PHACTR2: variants seen among roughly 807,000 people sequenced by gnomAD.
PHACTR2 encodes phosphatase and actin regulator 2.
Under a neutral mutation model 76.0 loss-of-function variants are expected in PHACTR2, and 30 were observed. The ratio of observed to expected loss-of-function variants is 0.39; its 90% CI spans 0.30 to 0.54. The LOEUF (loss-of-function observed/expected upper bound fraction) is 0.54. Ranked by LOEUF, PHACTR2 falls within the 20% of genes least tolerant of loss-of-function variation. The probability of loss-of-function intolerance (pLI) is 0.61; values close to 1 mark genes in which losing one functional copy is unlikely to be tolerated. For missense variants in PHACTR2, 696 were observed against 781.1 expected (o/e 0.89, Z 1.30); for synonymous variants, 292 against 292.5 (o/e 1.00, Z 0.02).
intron 10 of PHACTR2, among the ~76,000 whole-genome samples, chr6:143,788,006 G>T (rs1775592919): frequency 6.6e-6 from 1 of 152,202 alleles, no homozygotes; most frequent in Non-Finnish European, 1.5e-5. Context: ...TCTTTCACCT[G>T]TCAGAGTCTT....
rs1776053833 is a variant in PHACTR2, at chr6:143,616,004, G to A, written c.13+7682G>A. ...ATCTCATTTAAATTTTGATATCTAT[G>A]TCAAGAGAAGCCATAGTTTCAAAGT... On this transcript the variant is annotated intron_variant, in intron 1 of 11. Coordinates refer to the PHACTR2 transcript ENST00000305766. The surrounding 1 kb of genome is among the most constrained non-coding windows in gnomAD (Gnocchi z 4.9). 1.3e-5 allele frequency among the ~76,000 whole-genome samples: 2 copies of A among 152,176 alleles called. No homozygotes were observed. Among genetic ancestry groups the A allele is most frequent in the African/African-American group, 4.8e-5 (2 of 41,430 alleles).
At position 143,803,599 on chromosome 6, in the gene PHACTR2, C is replaced by A. The variant is rs983982487; in HGVS notation, c.1846-3458C>A. 6.6e-6 allele frequency among the ~76,000 whole-genome samples: 1 copy of A among 152,104 alleles called. No individual in the cohort carries two copies. The highest frequency in any genetic ancestry group is 1.5e-5 in the Non-Finnish European group (1 of 68,002). On this transcript the variant is annotated intron_variant, in intron 11 of 12. Coordinates refer to ENST00000440869, the MANE Select transcript of PHACTR2 (RefSeq NM_001100164.2). The surrounding 1 kb of genome is among the most constrained non-coding windows in gnomAD (Gnocchi z 4.7). ...ATAAAAACTGTTCTTGGAGTTGTTT[C>A]TAAATAGAACATCAAAATCATCTAT...
intron 9 of PHACTR2, among the ~76,000 whole-genome samples, chr6:143,779,899 T>TTTATATTATA (rs377378201): frequency 0.09 from 12,685 of 140,860 alleles, 626 homozygotes; most frequent in East Asian, 0.11. Flanking sequence ...CATATACGTA[T>TTTATATTATA]TTATATTATA....
At position 143,592,776 on chromosome 6, in the gene PHACTR2, G is replaced by A. The variant is rs1268325119; in HGVS notation, c.217+55569G>A. 2.6e-5 allele frequency among the ~76,000 whole-genome samples: 4 copies of A among 152,020 alleles called. No individual in the cohort carries two copies. Among genetic ancestry groups the A allele is most frequent in the South Asian group, 2.1e-4 (1 of 4,822 alleles). On this transcript the variant is annotated intron_variant, in intron 1 of 11. Coordinates refer to the PHACTR2 transcript ENST00000367584. The surrounding 1 kb of genome is among the most constrained non-coding windows in gnomAD (Gnocchi z 4.0). ...AGAATCCCAACCTTGGGCTGGGCAC[G>A]GTGGCTCAAGCCTGTAATCCCAGCA...
chr6:143,622,291 G>T (rs1776168033), intron 1 of PHACTR2, among the ~76,000 whole-genome samples: 2 of 152,086 alleles, frequency 1.3e-5, no homozygotes, highest in South Asian at 4.1e-4. Flanking sequence ...CACCAGCACT[G>T]TCACCACCTC....
chr6:143,714,753 A>G (rs957757565), intron 2 of PHACTR2, among the ~76,000 whole-genome samples: 40 of 152,266 alleles, frequency 2.6e-4, no homozygotes, highest in South Asian at 1.9e-3. Context: ...CCTGCATGAG[A>G]GGTCCCACGT....
Position 143,751,297 on chromosome 6 carries a change from T to C in PHACTR2, c.295+2232T>C, listed in dbSNP as rs1779177334. On this transcript the variant is annotated intron_variant, in intron 3 of 12. Coordinates refer to ENST00000440869, the MANE Select transcript of PHACTR2 (RefSeq NM_001100164.2). The surrounding 1 kb of genome is among the most constrained non-coding windows in gnomAD (Gnocchi z 5.7). ...TTATTTTTCCTTTTAGGTTCTCTTA[T>C]TTACATCCAGACATACCTTCAACCT... 6.6e-6 allele frequency among the ~76,000 whole-genome samples: 1 copy of C among 152,194 alleles called. No homozygotes were observed. The highest frequency in any genetic ancestry group is 2.4e-5 in the African/African-American group (1 of 41,450).
chr6:143,643,451 A>C (rs764737900), intron 1 of PHACTR2, among the ~76,000 whole-genome samples: 30 of 152,210 alleles, frequency 2.0e-4, no homozygotes, highest in Non-Finnish European at 3.8e-4. Flanking sequence ...GAATTCAGTA[A>C]ATTTTAGTAA....
intron 1 of PHACTR2, among the ~76,000 whole-genome samples, chr6:143,594,103 T>C (rs1173509209): frequency 2.0e-5 from 3 of 152,254 alleles, no homozygotes; most frequent in African/African-American, 7.2e-5. Flanking sequence ...ACCATTGTTT[T>C]CTGATGGTTC....
rs1284585431 is a variant in PHACTR2 at position 143,592,817 on chromosome 6, G to T, written c.217+55610G>T. On this transcript the variant is annotated intron_variant, in intron 1 of 11. Coordinates refer to the PHACTR2 transcript ENST00000367584. This position sits in a 1 kb window ranked among gnomAD's most constrained non-coding sequence, Gnocchi z 4.0. ...AATCCCAGCACTTTGGGAGGCCAAG[G>T]CGAGCAGATTACTTGAGCCTAGGAG... Among the ~76,000 whole-genome samples, 3 of 151,972 alleles carry T rather than the reference G, an allele frequency of 2.0e-5. No individual in the cohort carries two copies. The highest frequency in any genetic ancestry group is 4.4e-5 in the Non-Finnish European group (3 of 68,018).
intron 7 of PHACTR2, 144 bp from the exon 8 acceptor site, chr6:143,773,915 T>C (rs1775210945): frequency 1.9e-6 from 1 of 536,218 alleles, no homozygotes; most frequent in South Asian, 3.8e-5. Flanking sequence ...AAGTCTTTTT[T>C]TCCTTAGGTT....
intron 5 of PHACTR2, among the ~76,000 whole-genome samples, chr6:143,763,835 G>A (rs1271468027): frequency 1.3e-5 from 2 of 152,186 alleles, no homozygotes; most frequent in Non-Finnish European, 2.9e-5. Flanking sequence ...TGTATACAGT[G>A]TGGATTGGCT....
rs1775032943 is a variant in PHACTR2 at position 143,547,913 on chromosome 6, A to G, written c.217+10706A>G. Among the ~76,000 whole-genome samples, 1 of 152,130 alleles carries G rather than the reference A, an allele frequency of 6.6e-6. No homozygotes were observed. Among genetic ancestry groups the G allele is most frequent in the Non-Finnish European group, 1.5e-5 (1 of 68,014 alleles). ...GTATCTATCTATCTATCTATCATCT[A>G]TCTATCCATCTATCCATTCATCATC... On this transcript the variant is annotated intron_variant, in intron 1 of 11. Coordinates refer to the PHACTR2 transcript ENST00000367584. This position sits in a 1 kb window ranked among gnomAD's most constrained non-coding sequence, Gnocchi z 4.2.
At position 143,753,987 on chromosome 6, in the gene PHACTR2, C is replaced by T; in HGVS notation, c.454+75C>T. 1.1e-6 allele frequency: 1 copy of T among 951,864 alleles called. No homozygotes were observed. Among genetic ancestry groups the T allele is most frequent in the South Asian group, 2.4e-5 (1 of 42,134 alleles). The allele number at this position is 951,864 out of a possible 1,614,324, so 59.0% of individuals were successfully genotyped here. A position where few individuals can be genotyped will look rare whatever the true frequency, so the allele number is the denominator to read the frequency against. On this transcript the variant is annotated intron_variant, in intron 4 of 12. Transcript: ENST00000440869. This position sits in a 1 kb window ranked among gnomAD's most constrained non-coding sequence, Gnocchi z 4.6. Reference sequence around the variant, plus strand: ...TCTAGAACCAGCACTTAGGCTCCAACTAGTGACTCTAAAACCAGCAGTCTG... The same window carrying T: ...TCTAGAACCAGCACTTAGGCTCCAATTAGTGACTCTAAAACCAGCAGTCTG...
At chr6:143,711,753 A>C in intron 1 of PHACTR2, 1 of 650,956 alleles carries the variant, frequency 1.5e-6, no homozygotes, top group African/African-American at 1.8e-5. Flanking sequence ...ACAGACACTC[A>C]TTTGTCTGGC....
chr6:143,713,051 T>G (rs139554480), intron 2 of PHACTR2, among the ~76,000 whole-genome samples: 10 of 152,338 alleles, frequency 6.6e-5, no homozygotes, highest in African/African-American at 2.4e-4. Flanking sequence ...TCAAAATTCC[T>G]CACTGCACCA....
intron 2 of PHACTR2, among the ~76,000 whole-genome samples, chr6:143,734,308 C>A (rs536062171): frequency 6.7e-6 from 1 of 150,066 alleles, no homozygotes; most frequent in African/African-American, 2.5e-5. Context: ...ATCGATAAAA[C>A]CATGAAATCT....
At chr6:143,564,218 T>TATAC (rs1775328063) in intron 1 of PHACTR2, among the ~76,000 whole-genome samples, 1 of 117,032 alleles carries the variant, frequency 8.5e-6, no homozygotes, top group African/African-American at 3.2e-5. Context: ...TATATATATA[T>TATAC]ATATATATAT....
intron 1 of PHACTR2, among the ~76,000 whole-genome samples, chr6:143,660,494 A>G (rs1400924199): frequency 6.6e-6 from 1 of 152,228 alleles, no homozygotes; most frequent in Non-Finnish European, 1.5e-5. Flanking sequence ...CTCCCACAAC[A>G]TACGGGAATT....
Sources: gnomAD v4.1 joint callset for allele counts (sites outside exome capture counted in the v4.1 genomes callset) on GRCh38, gnomAD v4.1.1 for gene constraint, Gnocchi (gnomAD v3.1) non-coding constraint, MANE v1.5 for transcripts, NCBI Gene and HGNC (gene_info 2026-07-23, HGNC 2026-07-21) for gene names.